NAV3: variants seen among roughly 807,000 people sequenced by gnomAD.
NAV3 encodes the protein pore membrane and/or filament interacting like protein 1.
NAV3 carries 87 observed loss-of-function variants against 244.7 expected under a neutral mutation model. That is an observed-to-expected ratio of 0.36 (90% confidence interval 0.30 to 0.42). NAV3 has a LOEUF of 0.42. Among genes scored for constraint, NAV3 ranks in the 20% least tolerant of loss-of-function variants. The pLI is 1.00. For missense variants in NAV3, 2,663 were observed against 2,893.3 expected, an observed-to-expected ratio of 0.92 and a Z score of 1.83; for synonymous variants, 1,126 against 1,042.2, an observed-to-expected ratio of 1.08 and a Z score of -1.55.
chr12:78,132,565 G>T (rs1956210653), intron 18 of NAV3, among the ~76,000 whole-genome samples: 1 of 152,170 alleles, frequency 6.6e-6, no homozygotes, highest in Admixed American at 6.5e-5. Context: ...TTTTGAGAGT[G>T]AATGGGACTA....
intron 1 of NAV3, among the ~76,000 whole-genome samples, chr12:77,859,572 AC>A (rs1039136299): frequency 2.0e-5 from 3 of 151,170 alleles, no homozygotes; most frequent in African/African-American, 7.3e-5. Context: ...TATGTATGTT[AC>A]TAACCTGCAC....
intron 2 of NAV3, among the ~76,000 whole-genome samples, chr12:77,825,012 G>T (rs576166850): frequency 1.2e-4 from 19 of 152,304 alleles, no homozygotes; most frequent in African/African-American, 3.8e-4. Context: ...AAGGAACAAA[G>T]ATCAGACATG....
At chr12:77,875,254 T>C (rs1592859901) in intron 1 of NAV3, among the ~76,000 whole-genome samples, 2 of 152,126 alleles carry the variant, frequency 1.3e-5, no homozygotes, top group South Asian at 4.1e-4. Flanking sequence ...TTTGCACTTA[T>C]TGTTTTTCTA....
intron 12 of NAV3, among the ~76,000 whole-genome samples, chr12:78,072,351 G>T (rs1456357465): frequency 8.1e-6 from 1 of 124,038 alleles, no homozygotes; most frequent in African/African-American, 3.1e-5. Context: ...TGATAAAGGG[G>T]ATATCACCAC....
rs1228691323 is a variant in NAV3, at chr12:78,063,819, G to T, written c.2636+4704G>T. On this transcript the variant is annotated intron_variant, in intron 12 of 39. Coordinates refer to ENST00000397909, the MANE Select transcript of NAV3 (RefSeq NM_001024383.2). The stretch of plus-strand genomic sequence containing the variant: ...AGAGCATAAAGGCATAGAAGAGTTT[G>T]GTGTGAGGAACCAGTAATGGGATTC... Among the ~76,000 whole-genome samples the T allele has an allele frequency of 2.6e-5, 4 of 152,226 alleles. No homozygotes were observed. The East Asian group carries it at 7.7e-4, about 29-fold the overall frequency.
intron 5 of NAV3, among the ~76,000 whole-genome samples, chr12:77,986,457 C>G (rs1407942251): frequency 6.6e-6 from 1 of 151,946 alleles, no homozygotes; most frequent in African/African-American, 2.4e-5. Flanking sequence ...ATTCAAATAC[C>G]AACTTCCTCA....
At chr12:77,658,751 CA>C (rs1873263616) in intron 2 of NAV3, among the ~76,000 whole-genome samples, 1 of 151,792 alleles carries the variant, frequency 6.6e-6, no homozygotes, top group South Asian at 2.1e-4. Context: ...GTACTGGTAG[CA>C]AAACAGAGAT....
intron 9 of NAV3, among the ~76,000 whole-genome samples, chr12:78,039,502 T>C (rs1301040094): frequency 1.3e-5 from 2 of 152,090 alleles, no homozygotes; most frequent in East Asian, 3.8e-4. Context: ...AAATCACTAC[T>C]AGGGCCATCC....
At chr12:77,829,253 A>G (rs182926196), upstream of NAV3, among the ~76,000 whole-genome samples, 2 of 152,348 alleles carry the variant, frequency 1.3e-5, no homozygotes, top group South Asian at 2.1e-4. Flanking sequence ...GATTTCTTCC[A>G]CCAATTCTGG....
At chr12:77,606,468 A>T (rs548316483) in intron 2 of NAV3, among the ~76,000 whole-genome samples, 1 of 152,140 alleles carries the variant, frequency 6.6e-6, no homozygotes, top group African/African-American at 2.4e-5. Flanking sequence ...ATCACACTAT[A>T]TTGATTTAGT....
chr12:78,111,599 C>T (rs184755135), intron 12 of NAV3, among the ~76,000 whole-genome samples: 16 of 152,094 alleles, frequency 1.1e-4, no homozygotes, highest in Non-Finnish European at 2.2e-4. Context: ...ACTGACAATA[C>T]CAAGTATTGA....
At chr12:78,108,468 T>G (rs1382849227) in intron 12 of NAV3, among the ~76,000 whole-genome samples, 1 of 152,058 alleles carries the variant, frequency 6.6e-6, no homozygotes, top group Non-Finnish European at 1.5e-5. Context: ...TAACAGACAT[T>G]TACAAAACAT....
chr12:77,778,663 G>C (rs1384997237), intron 2 of NAV3, among the ~76,000 whole-genome samples: 1 of 150,456 alleles, frequency 6.6e-6, no homozygotes, highest in Non-Finnish European at 1.5e-5. Context: ...ATGGGAAAGA[G>C]ACTTTATTTT....
chr12:78,179,012 A>G (rs1958382346), intron 28 of NAV3, among the ~76,000 whole-genome samples: 1 of 152,110 alleles, frequency 6.6e-6, no homozygotes, highest in Non-Finnish European at 1.5e-5. Flanking sequence ...TCCAAAAGTA[A>G]TATCTCTAAT....
intron 2 of NAV3, among the ~76,000 whole-genome samples, chr12:77,573,870 T>C (rs2136649525): frequency 6.6e-6 from 1 of 152,294 alleles, no homozygotes; most frequent in East Asian, 1.9e-4. Context: ...GGAGATTTTC[T>C]GCAAACACCA....
chr12:77,586,084 C>T (rs1869597458), intron 2 of NAV3, among the ~76,000 whole-genome samples: 1 of 152,042 alleles, frequency 6.6e-6, no homozygotes, highest in Non-Finnish European at 1.5e-5. Flanking sequence ...ATGGCGTGAA[C>T]CCGGGAGGCG....
chr12:77,591,110 A>T (rs1181898356), intron 2 of NAV3, among the ~76,000 whole-genome samples: 1 of 152,214 alleles, frequency 6.6e-6, no homozygotes, highest in Non-Finnish European at 1.5e-5. Context: ...AAAATAAAAT[A>T]TATGAGATAA....
chr12:77,720,839 T>C (rs1395516311), intron 2 of NAV3, among the ~76,000 whole-genome samples: 5 of 152,134 alleles, frequency 3.3e-5, no homozygotes, highest in Admixed American at 3.3e-4. Flanking sequence ...TGTACTATTG[T>C]CCATGGAGGG....
intron 2 of NAV3, among the ~76,000 whole-genome samples, chr12:77,694,866 T>A (rs546808929): frequency 1.3e-5 from 2 of 152,210 alleles, no homozygotes; most frequent in South Asian, 4.1e-4. Context: ...GAGTGTCAGA[T>A]CCATGAGATA....
Sources: gnomAD v4.1 joint callset for allele counts (sites outside exome capture counted in the v4.1 genomes callset) on GRCh38, gnomAD v4.1.1 for gene constraint, MANE v1.5 for transcripts, NCBI Gene and HGNC (gene_info 2026-07-23, HGNC 2026-07-21) for gene names.